Variants in ZNF385D observed in about 807,000 individuals in gnomAD.
ZNF385D encodes zinc finger protein 385D, also known as zinc finger protein 659.
In ZNF385D, 15 loss-of-function variants were observed where a neutral mutation model predicts 35.8. The ratio of observed to expected loss-of-function variants is 0.42; its 90% confidence interval spans 0.28 to 0.64. The LOEUF (loss-of-function observed/expected upper bound fraction) is 0.64, where lower values mean the gene tolerates loss of function less well. Among genes scored for constraint, ZNF385D ranks in the 30% least tolerant of loss-of-function variants. The pLI is 0.23. For missense variants in ZNF385D, 474 were observed against 494.6 expected (o/e 0.96, Z 0.39); for synonymous variants, 212 against 186.8 (o/e 1.13, Z -1.10).
intron 2 of ZNF385D, among the ~76,000 whole-genome samples, chr3:22,343,187 A>C (rs1254323258): frequency 6.6e-6 from 1 of 152,218 alleles, no homozygotes; most frequent in Admixed American, 6.5e-5. Context: ...TTGTATTTGT[A>C]TTTGACAGCA....
chr3:22,256,236 C>CATAT (rs141839193), intron 2 of ZNF385D, among the ~76,000 whole-genome samples: 69 of 145,438 alleles, frequency 4.7e-4, no homozygotes, highest in South Asian at 1.7e-3. Context: ...TATACACATA[C>CATAT]ATATATATAT....
chr3:22,028,466 C>G (rs553632490), intron 3 of ZNF385D, among the ~76,000 whole-genome samples: 77 of 152,270 alleles, frequency 5.1e-4, no homozygotes, highest in African/African-American at 1.7e-3. Context: ...GCAGCAGAGA[C>G]CAACACTGAG....
intron 4 of ZNF385D, among the ~76,000 whole-genome samples, chr3:21,506,261 A>C (rs1354157069): frequency 6.6e-6 from 1 of 152,156 alleles, no homozygotes; most frequent in Admixed American, 6.6e-5. Context: ...CTTCCATAGA[A>C]TTCTCCAGCT....
At chr3:21,990,195 G>A (rs1383918832) in intron 3 of ZNF385D, among the ~76,000 whole-genome samples, 3 of 152,188 alleles carry the variant, frequency 2.0e-5, no homozygotes, top group Non-Finnish European at 2.9e-5. Flanking sequence ...GAATCTCTAA[G>A]CTAAAATTCC....
intron 2 of ZNF385D, among the ~76,000 whole-genome samples, chr3:22,326,211 C>T (rs1694670610): frequency 1.3e-5 from 2 of 152,144 alleles, no homozygotes; most frequent in Non-Finnish European, 2.9e-5. Flanking sequence ...TACTATACCC[C>T]TGTCTCAGAT....
chr3:22,341,047 G>C (rs947732051), intron 2 of ZNF385D, among the ~76,000 whole-genome samples: 1 of 152,152 alleles, frequency 6.6e-6, no homozygotes. Context: ...TCAAAACAGA[G>C]TTATGATGGC....
intron 3 of ZNF385D, among the ~76,000 whole-genome samples, chr3:22,025,858 T>C (rs1697510998): frequency 1.3e-5 from 2 of 152,202 alleles, no homozygotes; most frequent in Non-Finnish European, 2.9e-5. Context: ...CTGTAATTGC[T>C]CTTCTCTGTA....
At chr3:22,116,950 C>A (rs1307224021) in intron 3 of ZNF385D, among the ~76,000 whole-genome samples, 1 of 151,964 alleles carries the variant, frequency 6.6e-6, no homozygotes, top group African/African-American at 2.4e-5. Flanking sequence ...CATAACCACC[C>A]TATACAATGG....
intron 1 of ZNF385D, among the ~76,000 whole-genome samples, chr3:21,741,322 G>A (rs558382245): frequency 2.0e-5 from 3 of 152,218 alleles, no homozygotes; most frequent in South Asian, 2.1e-4. Context: ...TTCTTTTAAA[G>A]GAAAAAAATT....
chr3:22,336,502 G>T (rs1019301211), intron 2 of ZNF385D, among the ~76,000 whole-genome samples: 1 of 151,982 alleles, frequency 6.6e-6, no homozygotes, highest in African/African-American at 2.4e-5. Context: ...TTTTGCTACA[G>T]AAGTCCAAGT....
At chr3:21,714,621 C>T (rs1232461888) in intron 1 of ZNF385D, among the ~76,000 whole-genome samples, 2 of 152,136 alleles carry the variant, frequency 1.3e-5, no homozygotes, top group East Asian at 3.9e-4. Context: ...GTTTTTCCTC[C>T]TTACTGTGTC....
intron 3 of ZNF385D, among the ~76,000 whole-genome samples, chr3:21,863,163 A>C (rs1697152523): frequency 6.6e-6 from 1 of 152,178 alleles, no homozygotes; most frequent in Admixed American, 6.6e-5. Flanking sequence ...ATATCCAAGC[A>C]AAATAATTTA....
intron 4 of ZNF385D, among the ~76,000 whole-genome samples, chr3:21,476,008 A>C (rs1042707566): frequency 6.6e-6 from 1 of 152,134 alleles, no homozygotes; most frequent in Non-Finnish European, 1.5e-5. Context: ...CTTTCTCAGA[A>C]GTTGCTGGTC....
chr3:21,606,311 A>C (rs147538355), intron 2 of ZNF385D, among the ~76,000 whole-genome samples: 18 of 152,220 alleles, frequency 1.2e-4, no homozygotes, highest in African/African-American at 3.4e-4. Flanking sequence ...GACATGACAT[A>C]TTCATTCCTG....
At chr3:22,336,922 A>AAAAAAAAAAAC (rs1559527459) in intron 2 of ZNF385D, among the ~76,000 whole-genome samples, 1 of 145,264 alleles carries the variant, frequency 6.9e-6, no homozygotes, top group East Asian at 2.0e-4. Flanking sequence ...AAAAAAAAAA[A>AAAAAAAAAAAC]AAAAAAAAAA....
chr3:21,797,740 G>T (rs188445736), intron 3 of ZNF385D, among the ~76,000 whole-genome samples: 1 of 152,136 alleles, frequency 6.6e-6, no homozygotes, highest in East Asian at 1.9e-4. Context: ...AGTGAAACGA[G>T]CAAATTTGAA....
intron 3 of ZNF385D, among the ~76,000 whole-genome samples, chr3:21,878,534 G>A (rs1431587470): frequency 4.1e-5 from 1 of 24,328 alleles, no homozygotes; most frequent in East Asian, 6.9e-4. Context: ...TCTGCATGAA[G>A]TCCTTATTTT....
chr3:21,817,760 G>A (rs368940965), intron 3 of ZNF385D, among the ~76,000 whole-genome samples: 13 of 152,346 alleles, frequency 8.5e-5, no homozygotes, highest in East Asian at 5.8e-4. Context: ...GTGGAAGGCA[G>A]TGTGGTGATT....
chr3:21,443,508 G>A (rs985622698), intron 4 of ZNF385D, among the ~76,000 whole-genome samples: 1 of 152,176 alleles, frequency 6.6e-6, no homozygotes, highest in Non-Finnish European at 1.5e-5. Flanking sequence ...ATATGCAAGA[G>A]TAATAGGACT....
Sources: gnomAD v4.1 joint callset for allele counts (sites outside exome capture counted in the v4.1 genomes callset) on GRCh38, gnomAD v4.1.1 for gene constraint, MANE v1.5 for transcripts, NCBI Gene and HGNC (gene_info 2026-07-23, HGNC 2026-07-21) for gene names.